Variants in ERAP1 observed in about 807,000 individuals in gnomAD.
The protein encoded by ERAP1 is endoplasmic reticulum aminopeptidase 1, also known as adipocyte-derived leucine aminopeptidase.
A neutral mutation model predicts 103.7 loss-of-function variants in ERAP1; 86 were observed. The ratio of observed to expected loss-of-function variants is 0.83; its 90% CI spans 0.70 to 0.99. The LOEUF is 0.99. Among genes scored for constraint, ERAP1 ranks in the 50% least tolerant of loss-of-function variants. The pLI is 0.00. For synonymous variants in ERAP1, 398 were observed against 402.4 expected, an observed-to-expected ratio of 0.99 and a Z score of 0.13; for missense variants, 1,009 against 1,128.4, an observed-to-expected ratio of 0.89 and a Z score of 1.52.
At chr5:96,873,622 A>C in the ERAP1 span, 1 of 366,306 alleles carries the variant, frequency 2.7e-6, no homozygotes. Flanking sequence ...GCTCATCCAG[A>C]AGTGGAAAGC....
rs1774390336 is a variant in ERAP1, at chr5:96,776,804, TACCA to T, written c.2671-257_2671-254del. On this transcript the variant is annotated intron_variant, in intron 18 of 18. Transcript: ENST00000443439. ...CCAGACTTTAAAAGACTTCACTGTT[TACCA>T]TTTTATAATTAAGGTTTAATTGTGT... is the stretch of plus-strand genomic sequence containing the variant. 6.1e-6 allele frequency: 3 copies of T among 489,050 alleles called. No individual in the cohort carries two copies. In the South Asian group the frequency reaches 7.4e-5, roughly 12 times the overall value. 30.3% of individuals were successfully genotyped at this position (489,050 alleles called of 1,614,324 possible).
the ERAP1 span, among the ~76,000 whole-genome samples, chr5:96,926,000 T>C: frequency 1.4e-5 from 2 of 139,726 alleles, no homozygotes; most frequent in East Asian, 4.6e-4. Flanking sequence ...AACCTCTGCC[T>C]CCCAGGTTCA....
intron 9 of ERAP1, 65 bp downstream of exon 9, chr5:96,790,447 G>A: frequency 6.2e-7 from 1 of 1,609,922 alleles, no homozygotes; most frequent in Non-Finnish European, 8.5e-7. Flanking sequence ...CATAATGCAG[G>A]GAAAACAAAA....
At chr5:96,915,300 C>T in the ERAP1 span, among the ~76,000 whole-genome samples, 7 of 152,146 alleles carry the variant, frequency 4.6e-5, no homozygotes, top group South Asian at 2.1e-4. Flanking sequence ...TGAGCCACCG[C>T]GCCCAGCCCA....
chr5:96,887,659 A>G, the ERAP1 span, among the ~76,000 whole-genome samples: 6 of 152,216 alleles, frequency 3.9e-5, no homozygotes, highest in Non-Finnish European at 7.3e-5. Context: ...TATAATTTTT[A>G]GAGTCTTCGT....
At chr5:96,838,541 T>C in the ERAP1 span, among the ~76,000 whole-genome samples, 1 of 152,262 alleles carries the variant, frequency 6.6e-6, no homozygotes, top group African/African-American at 2.4e-5. Flanking sequence ...ACTTGAATTC[T>C]TAAATTTGTA....
chr5:96,803,500 G>A lies in ERAP1; in HGVS notation c.427C>T (p.Leu143Phe), dbSNP rs1406843792. ...TAGTGAATGACAACTGTGTACGGGA[G>A]CCCGACAAGGAGGGGCTCGGGAGCC... ...LLAPEPLLVGLPYTVVIHYAG... is the reference protein window; with the variant it reads ...LLAPEPLLVGFPYTVVIHYAG... Residue 143 changes from leucine (L) to phenylalanine (F), a missense_variant, in exon 2 of 19, where the codon CTC (leucine) becomes TTC (phenylalanine). Physicochemically the swap from Leu to Phe is conservative, Grantham distance 22 (BLOSUM62 0). Around this residue, in one of 3 missense-constraint regions of ERAP1, gnomAD observed 392 missense variants for 455.2 expected, o/e 0.86. Transcript: ENST00000443439. 1.2e-6 allele frequency: 2 copies of A among 1,613,402 alleles called. No homozygotes were observed. The highest frequency in any genetic ancestry group is 3.3e-5 in the Admixed American group (2 of 59,930).
At chr5:96,844,917 T>G in the ERAP1 span, among the ~76,000 whole-genome samples, 1 of 150,868 alleles carries the variant, frequency 6.6e-6, no homozygotes, top group African/African-American at 2.5e-5. Flanking sequence ...GTATTGCCAC[T>G]TTGAGGAGCA....
the ERAP1 span, among the ~76,000 whole-genome samples, chr5:96,860,153 G>A: frequency 1.3e-5 from 2 of 151,890 alleles, no homozygotes; most frequent in Non-Finnish European, 2.9e-5. Context: ...CCTCTGTCTC[G>A]AGCAATTCTT....
At chr5:96,933,130 CATT>C in the ERAP1 span, among the ~76,000 whole-genome samples, 2 of 150,514 alleles carry the variant, frequency 1.3e-5, no homozygotes, top group Non-Finnish European at 3.0e-5. Flanking sequence ...AAACAAACTT[CATT>C]ATTATTCTTT....
chr5:96,861,986 T>TA, the ERAP1 span, among the ~76,000 whole-genome samples: 8 of 151,826 alleles, frequency 5.3e-5, no homozygotes, highest in African/African-American at 7.3e-5. Context: ...TGATTCTTTT[T>TA]GAAAAAAAAA....
chr5:96,909,875 A>G, the ERAP1 span: 1 of 1,056,116 alleles, frequency 9.5e-7, no homozygotes, highest in South Asian at 1.7e-5. Context: ...AAAAAAAAAC[A>G]TGCTGGGCAT....
At chr5:96,928,474 A>G in the ERAP1 span, among the ~76,000 whole-genome samples, 2 of 152,228 alleles carry the variant, frequency 1.3e-5, no homozygotes, top group Admixed American at 1.3e-4. Context: ...GCACACAGGA[A>G]GAATGTCATG....
chr5:96,909,512 T>C, the ERAP1 span: 5 of 1,265,096 alleles, frequency 4.0e-6, no homozygotes, highest in Non-Finnish European at 5.7e-6. Context: ...TTGAGCCCTT[T>C]AGATGGGCAA....
At chr5:96,928,505 C>T in the ERAP1 span, among the ~76,000 whole-genome samples, 1 of 152,134 alleles carries the variant, frequency 6.6e-6, no homozygotes, top group South Asian at 2.1e-4. Context: ...AGTTACTTGC[C>T]ACAAGCCTAG....
the ERAP1 span, among the ~76,000 whole-genome samples, chr5:96,910,710 C>T: frequency 2.6e-5 from 4 of 152,200 alleles, no homozygotes; most frequent in African/African-American, 9.7e-5. Context: ...TTTATGCTCA[C>T]AATCAAAAAT....
chr5:96,804,306 G>C (rs1032503078), intron 1 of ERAP1: 1 of 324,362 alleles, frequency 3.1e-6, no homozygotes, highest in Non-Finnish European at 5.9e-6. Flanking sequence ...CAGAGTTGCA[G>C]GACATTTGGG....
chr5:96,817,395 C>T, the ERAP1 span, among the ~76,000 whole-genome samples: 1 of 152,132 alleles, frequency 6.6e-6, no homozygotes, highest in South Asian at 2.1e-4. Flanking sequence ...ATAAATAATG[C>T]CAACCTCATT....
intron 11 of ERAP1, among the ~76,000 whole-genome samples, chr5:96,787,692 A>G (rs1037677015): frequency 5.3e-5 from 8 of 152,170 alleles, no homozygotes. Flanking sequence ...ACATATGTAT[A>G]TAGGTATGTA....
Sources: gnomAD v4.1 joint callset for allele counts (sites outside exome capture counted in the v4.1 genomes callset) on GRCh38, gnomAD v4.1.1 for gene constraint, gnomAD v4.1.1 regional missense constraint, MANE v1.5 for transcripts, NCBI Gene and HGNC (gene_info 2026-07-23, HGNC 2026-07-21) for gene names.